The following GALNT16 variants were observed in gnomAD, a reference collection of about 807,000 sequenced individuals.
GALNT16 encodes the protein UDP-GalNAc:polypeptide N-acetylgalactosaminyltransferase-like protein 1.
A neutral mutation model predicts 76.1 loss-of-function variants in GALNT16; 40 were observed. The observed-to-expected ratio is 0.53, with a 90% CI of 0.41 to 0.68. The LOEUF (loss-of-function observed/expected upper bound fraction) is 0.68. GALNT16 is among the 30% of genes least tolerant of loss of function. The pLI, the probability that GALNT16 is intolerant of heterozygous loss-of-function variation, is 0.00. For synonymous variants in GALNT16, 276 were observed against 285.2 expected (o/e 0.97, Z 0.32); for missense variants, 621 against 731.9 (o/e 0.85, Z 1.75).
rs150505324 is a variant in GALNT16 at position 69,345,761 on chromosome 14, T to G, written c.1272-1279T>G. On this transcript the variant is annotated intron_variant, in intron 12 of 14. Transcript: ENST00000448469. Reference sequence around the variant, plus strand: ...GTCTGTATGTGTGTATAAGCATATTTTCCTGGGCATATAAAGTGTTTTAAT... The same window carrying G: ...GTCTGTATGTGTGTATAAGCATATTGTCCTGGGCATATAAAGTGTTTTAAT... 9.3e-4 allele frequency among the ~76,000 whole-genome samples: 141 copies of G among 152,178 alleles called. 1 individual carries two copies. The highest frequency in any genetic ancestry group is 3.2e-3 in the African/African-American group (134 of 41,514).
rs55796152 is a variant in GALNT16, at chr14:69,327,255, C to T, written c.569-1195C>T. ...GCCCCAACTACTCAGGAGGCTGAGG[C>T]AGGAGAATCACTTGAACGCTTGAAC... is the stretch of plus-strand genomic sequence containing the variant. On this transcript the variant is annotated intron_variant, in intron 5 of 14. Transcript: ENST00000448469. Among the ~76,000 whole-genome samples the T allele has an allele frequency of 2.1e-3, 315 of 152,268 alleles. 4 individuals are homozygous for T. Among genetic ancestry groups the T allele is most frequent in the South Asian group, 0.012 (59 of 4,826 alleles).
chr14:69,341,910 G>C (rs1275685), intron 12 of GALNT16, 146 bp downstream of exon 12: 240,731 of 634,642 alleles, frequency 0.38, 49,877 homozygotes, highest in Non-Finnish European at 0.45. Flanking sequence ...CGTGACGGCT[G>C]TGGGGGAACT....
intron 3 of GALNT16, 86 bp downstream of exon 3, chr14:69,324,876 C>G (rs1443366080): frequency 1.2e-6 from 1 of 816,236 alleles, no homozygotes; most frequent in African/African-American, 1.7e-5. Flanking sequence ...CAGCTTGAAG[C>G]CCAGCAGGTG....
chr14:69,282,267 C>T (rs1271986676), intron 1 of GALNT16, among the ~76,000 whole-genome samples: 2 of 152,174 alleles, frequency 1.3e-5, no homozygotes, highest in African/African-American at 4.8e-5. Context: ...TGGAGTCAAC[C>T]AGACCTGGAT....
chr14:69,271,955 GTTTC>G (rs1230060426), intron 1 of GALNT16, among the ~76,000 whole-genome samples: 1 of 152,184 alleles, frequency 6.6e-6, no homozygotes, highest in Non-Finnish European at 1.5e-5. Context: ...AATTTCGTCT[GTTTC>G]TTTTTATTTA....
At chr14:69,363,677 T>TAATGAATG in the GALNT16 span, among the ~76,000 whole-genome samples, 15 of 151,980 alleles carry the variant, frequency 9.9e-5, no homozygotes, top group Middle Eastern at 6.8e-3. Flanking sequence ...AAGTGTGTGC[T>TAATGAATG]AATGAATGAA....
chr14:69,274,590 G>A (rs1342733333), intron 1 of GALNT16, among the ~76,000 whole-genome samples: 1 of 152,174 alleles, frequency 6.6e-6, no homozygotes, highest in Non-Finnish European at 1.5e-5. Context: ...GGCCTTCGTA[G>A]TAATGCATCT....
At chr14:69,350,282 G>A (rs2045617757) in intron 14 of GALNT16, 1 of 152,244 alleles carries the variant, frequency 6.6e-6, no homozygotes, top group South Asian at 2.1e-4. Flanking sequence ...CCACAAGGAT[G>A]AACGGACATG....
the GALNT16 span, among the ~76,000 whole-genome samples, chr14:69,370,617 G>T: frequency 6.6e-6 from 1 of 152,016 alleles, no homozygotes; most frequent in Non-Finnish European, 1.5e-5. Flanking sequence ...CACCACCCAG[G>T]TTATCAATTT....
At chr14:69,354,468 A>T (rs1005789965), downstream of GALNT16, 8 of 152,764 alleles carry the variant, frequency 5.2e-5, no homozygotes, top group African/African-American at 1.9e-4. Context: ...TTACATGTCC[A>T]CATGCACCAG....
At chr14:69,339,183 A>G (rs1005301895) in intron 10 of GALNT16, among the ~76,000 whole-genome samples, 4 of 152,096 alleles carry the variant, frequency 2.6e-5, no homozygotes, top group African/African-American at 9.7e-5. Flanking sequence ...AATGTCCTAG[A>G]AGACCACTCC....
chr14:69,272,470 A>G (rs1433530114), intron 1 of GALNT16, among the ~76,000 whole-genome samples: 1 of 152,238 alleles, frequency 6.6e-6, no homozygotes, highest in Non-Finnish European at 1.5e-5. Context: ...GGGACTACAT[A>G]TATGACAGTG....
At chr14:69,322,726 T>C (rs1331577550) in intron 2 of GALNT16, among the ~76,000 whole-genome samples, 2 of 152,068 alleles carry the variant, frequency 1.3e-5, no homozygotes, top group Non-Finnish European at 2.9e-5. Context: ...ACCCTGTCTC[T>C]ACTAAAATAC....
chr14:69,260,766 C>T (rs984932286), intron 1 of GALNT16, among the ~76,000 whole-genome samples: 1 of 151,994 alleles, frequency 6.6e-6, no homozygotes, highest in Non-Finnish European at 1.5e-5. Flanking sequence ...CGGCTCTGCG[C>T]TGCCGGGGCC....
At chr14:69,260,623 G>A in intron 1 of GALNT16, 156 bp downstream of exon 1, 1 of 424,182 alleles carries the variant, frequency 2.4e-6, no homozygotes, top group African/African-American at 2.1e-5. Context: ...CCGTTGTTAT[G>A]GCAACCTCTG....
chr14:69,370,040 T>G, the GALNT16 span, among the ~76,000 whole-genome samples: 2 of 152,234 alleles, frequency 1.3e-5, no homozygotes, highest in East Asian at 3.8e-4. Flanking sequence ...GGCATTCTTG[T>G]GTCCAGTCAG....
intron 1 of GALNT16, among the ~76,000 whole-genome samples, chr14:69,302,250 A>G (rs1235210253): frequency 6.6e-6 from 1 of 152,172 alleles, no homozygotes; most frequent in African/African-American, 2.4e-5. Flanking sequence ...TCATTGAAGA[A>G]AACTTGAAAA....
intron 1 of GALNT16, among the ~76,000 whole-genome samples, chr14:69,296,736 A>ATAGATC (rs1566869191): frequency 2.4e-5 from 1 of 41,318 alleles, no homozygotes; most frequent in Non-Finnish European, 4.5e-5. Flanking sequence ...GATGATAGAT[A>ATAGATC]GATAGATAGA....
chr14:69,371,036 T>G, the GALNT16 span, among the ~76,000 whole-genome samples: 164 of 152,318 alleles, frequency 1.1e-3, no homozygotes, highest in African/African-American at 3.8e-3. Flanking sequence ...CTTTTGGCCC[T>G]TACCAAAGGG....
Sources: gnomAD v4.1 joint callset for allele counts (sites outside exome capture counted in the v4.1 genomes callset) on GRCh38, gnomAD v4.1.1 for gene constraint, MANE v1.5 for transcripts, NCBI Gene and HGNC (gene_info 2026-07-23, HGNC 2026-07-21) for gene names.